Variants in CA4 observed in about 807,000 individuals in gnomAD.
CA4 encodes the protein CA-IV.
Under a neutral mutation model 34.5 loss-of-function variants are expected in CA4, and 24 were observed. That is an observed-to-expected ratio of 0.70 (90% CI 0.50 to 0.98). The LOEUF (loss-of-function observed/expected upper bound fraction) is 0.98, where lower values mean the gene tolerates loss of function less well. Ranked by LOEUF, CA4 falls within the 50% of genes least tolerant of loss-of-function variation. The pLI is 0.00. For synonymous variants in CA4, 178 were observed against 170.6 expected (o/e 1.04, Z -0.34); for missense variants, 394 against 396.7 (o/e 0.99, Z 0.06).
intron 2 of CA4, among the ~76,000 whole-genome samples, chr17:60,156,325 A>C (rs1193051275): frequency 6.6e-6 from 1 of 152,158 alleles, no homozygotes; most frequent in African/African-American, 2.4e-5. Flanking sequence ...CCTGTTCCAC[A>C]CTGGGGCTAG....
At chr17:60,155,492 C>T (rs1442972159) in intron 2 of CA4, 125 bp downstream of exon 2, 4 of 640,764 alleles carry the variant, frequency 6.2e-6, no homozygotes, top group African/African-American at 6.1e-5. Flanking sequence ...ATATCAGTTC[C>T]CAGCATACAC....
chr17:60,160,764 A>AG (rs1555572983), downstream of CA4, among the ~76,000 whole-genome samples: 27 of 149,586 alleles, frequency 1.8e-4, no homozygotes, highest in African/African-American at 6.2e-4. Flanking sequence ...AAAAAAAAAA[A>AG]AGAGAGAATT....
chr17:60,155,498 TACAC>T (rs3830362), intron 2 of CA4, 131 bp downstream of exon 2: 7,070 of 567,210 alleles, frequency 0.012, 17 homozygotes, highest in Non-Finnish European at 0.015. Context: ...GTTCCCAGCA[TACAC>T]ACACACACAC....
downstream of CA4, among the ~76,000 whole-genome samples, chr17:60,175,188 G>GTTTTTTT (rs1352374322): frequency 1.1e-5 from 1 of 91,366 alleles, no homozygotes; most frequent in African/African-American, 1.5e-4. Context: ...ACACCCAGCT[G>GTTTTTTT]ATTTTTTTTT....
At chr17:60,152,068 GGTCA>G (rs1163784480) in intron 1 of CA4, among the ~76,000 whole-genome samples, 1 of 152,086 alleles carries the variant, frequency 6.6e-6, no homozygotes, top group Non-Finnish European at 1.5e-5. Context: ...AGGGGTGGCA[GGTCA>G]GTCAGTGTGG....
downstream of CA4, among the ~76,000 whole-genome samples, chr17:60,172,098 G>A (rs345162): frequency 0.31 from 47,547 of 152,000 alleles, 13,759 homozygotes; most frequent in African/African-American, 0.77. Flanking sequence ...TTCCTCCCCA[G>A]TTTGTAATCC....
At chr17:60,157,887 G>C (rs2083720361) in intron 5 of CA4, 99 bp downstream of exon 5, 1 of 1,502,916 alleles carries the variant, frequency 6.7e-7, no homozygotes, top group Non-Finnish European at 9.1e-7. Context: ...AGGGGGCGGG[G>C]AGACTCCAAC....
chr17:60,172,111 G>C (rs1473143763), downstream of CA4, among the ~76,000 whole-genome samples: 14 of 152,156 alleles, frequency 9.2e-5, no homozygotes, highest in Non-Finnish European at 2.1e-4. Flanking sequence ...TGTAATCCCA[G>C]TGGGCACTGA....
chr17:60,168,895 C>A (rs1385644453), intron 5 of CA4, among the ~76,000 whole-genome samples: 1 of 152,130 alleles, frequency 6.6e-6, no homozygotes, highest in African/African-American at 2.4e-5. Context: ...GTCATTACAG[C>A]GAGTGACCTT....
At chr17:60,171,701 C>G (rs569365540), downstream of CA4, among the ~76,000 whole-genome samples, 7 of 152,224 alleles carry the variant, frequency 4.6e-5, no homozygotes, top group Admixed American at 2.6e-4. Flanking sequence ...CTACACCCCC[C>G]ACTGTCACTT....
At chr17:60,177,693 T>C in the CA4 span, among the ~76,000 whole-genome samples, 3 of 152,234 alleles carry the variant, frequency 2.0e-5, no homozygotes, top group African/African-American at 7.2e-5. Context: ...CAGTCCTACC[T>C]ACTTGCAATT....
intron 3 of CA4, 181 bp downstream of exon 3, chr17:60,156,896 CT>C (rs1369398643): frequency 4.1e-5 from 27 of 665,336 alleles, no homozygotes; most frequent in South Asian, 4.0e-4. Context: ...GTTTTCGTTA[CT>C]TTTGTCAGAC....
intron 5 of CA4, among the ~76,000 whole-genome samples, chr17:60,169,879 G>GTTTCTC (rs1338369495): frequency 6.6e-6 from 1 of 152,164 alleles, no homozygotes; most frequent in Admixed American, 6.6e-5. Flanking sequence ...GGCCTGACTG[G>GTTTCTC]TTTCTCTTTC....
chr17:60,154,889 C>T (rs1277337897), intron 1 of CA4, among the ~76,000 whole-genome samples: 2 of 152,222 alleles, frequency 1.3e-5, no homozygotes, highest in Non-Finnish European at 2.9e-5. Flanking sequence ...TTGAACCTGA[C>T]TCTATTGTCC....
rs916458210 is a variant in CA4, at chr17:60,150,179, G to A, written c.58+87G>A. The A allele has an allele frequency of 7.7e-6, 9 of 1,165,264 alleles. No homozygotes were observed. In the East Asian group the frequency reaches 1.3e-4, roughly 17 times the overall value. 72.2% of individuals were successfully genotyped at this position (1,165,264 alleles called of 1,614,324 possible). A position where few individuals can be genotyped will look rare whatever the true frequency, so the allele number is the denominator to read the frequency against. On this transcript the variant is annotated intron_variant, in intron 1 of 7. Coordinates refer to ENST00000300900, the MANE Select transcript of CA4 (RefSeq NM_000717.5). ...CGCCCCTGCAGAGGATCCCCCCGCG[G>A]GCGACCGGTGAGCGTCGGTGGCGCT...
chr17:60,172,884 CT>C (rs2083923669), downstream of CA4, among the ~76,000 whole-genome samples: 1 of 151,358 alleles, frequency 6.6e-6, no homozygotes, highest in African/African-American at 2.4e-5. Flanking sequence ...TGGCTCACGC[CT>C]GTAATCCCAG....
chr17:60,177,034 C>T, the CA4 span, among the ~76,000 whole-genome samples: 1 of 152,214 alleles, frequency 6.6e-6, no homozygotes, highest in South Asian at 2.1e-4. Context: ...CAGTTCCTAA[C>T]AGGCCACAGA....
At chr17:60,158,811 ACAT>A (rs2083744212) in intron 7 of CA4, 1 of 415,572 alleles carries the variant, frequency 2.4e-6, no homozygotes, top group South Asian at 2.4e-5. Context: ...AGTGGAGTCA[ACAT>A]CATCACTGGG....
Position 60,159,422 on chromosome 17 carries a change from T to C in CA4, c.937T>C (p.Ter313ArgextTer?). The stretch of plus-strand genomic sequence containing the variant: ...CTGCCTGCTGGCCGGCTTCCTGCGA[T>C]GATGGCTCACTTCTGCACGCAGCCT... Reference protein sequence around the residue: ...LACLLAGFLR* With the variant: ...LACLLAGFLRR Residue 313 changes from the stop codon to arginine, a stop_lost, in exon 8 of 8, where the codon TGA becomes CGA. Coordinates refer to ENST00000300900, the MANE Select transcript of CA4 (RefSeq NM_000717.5). 6.2e-7 allele frequency: 1 copy of C among 1,611,412 alleles called. No individual in the cohort carries two copies. The highest frequency in any genetic ancestry group is 8.5e-7 in the Non-Finnish European group (1 of 1,179,670).
Sources: gnomAD v4.1 joint callset for allele counts (sites outside exome capture counted in the v4.1 genomes callset) on GRCh38, gnomAD v4.1.1 for gene constraint, MANE v1.5 for transcripts, NCBI Gene and HGNC (gene_info 2026-07-23, HGNC 2026-07-21) for gene names.